The following DIAPH2 variants were observed in gnomAD, a reference collection of about 807,000 sequenced individuals.
DIAPH2 encodes protein diaphanous homolog 2.
DIAPH2 carries 35 observed loss-of-function variants against 92.7 expected under a neutral mutation model. The observed-to-expected ratio is 0.38, with a 90% CI of 0.29 to 0.50. The LOEUF is 0.50. DIAPH2 is among the 20% of genes least tolerant of loss of function. DIAPH2 has a pLI of 0.94. For missense variants in DIAPH2, 701 were observed against 819.5 expected, an observed-to-expected ratio of 0.86 and a Z score of 1.77; for synonymous variants, 301 against 280.4, an observed-to-expected ratio of 1.07 and a Z score of -0.73.
chrX:96,939,564 A>ATG (rs1238257040), intron 12 of DIAPH2, among the ~76,000 whole-genome samples, 182 bp downstream of exon 12: 2 of 74,469 alleles, frequency 2.7e-5, no homozygotes, highest in African/African-American at 9.4e-5. Context: ...GTATATATAT[A>ATG]TATGTGTGTG....
intron 23 of DIAPH2, among the ~76,000 whole-genome samples, chrX:97,264,691 A>C (rs2068320346): frequency 8.9e-6 from 1 of 112,559 alleles, no homozygotes; most frequent in South Asian, 3.7e-4. Flanking sequence ...TCTCCTTAGA[A>C]ATGACTTTAT....
At chrX:97,557,609 G>A (rs944500104) in intron 26 of DIAPH2, among the ~76,000 whole-genome samples, 1 of 112,382 alleles carries the variant, frequency 8.9e-6, no homozygotes, top group Admixed American at 9.4e-5. Flanking sequence ...AACAATAAAT[G>A]TATTTAAGTA....
chrX:97,205,785 C>T (rs1244092214), intron 22 of DIAPH2, among the ~76,000 whole-genome samples: 1 of 111,130 alleles, frequency 9.0e-6, no homozygotes, highest in Non-Finnish European at 1.9e-5. Flanking sequence ...ACCATTTGAC[C>T]CAGCAATCTC....
chrX:97,354,088 T>TA (rs1323997533), intron 24 of DIAPH2, among the ~76,000 whole-genome samples: 1 of 111,022 alleles, frequency 9.0e-6, no homozygotes, highest in Non-Finnish European at 1.9e-5. Context: ...GTGCTGGAAT[T>TA]ACATGCATGA....
intron 26 of DIAPH2, among the ~76,000 whole-genome samples, chrX:97,504,886 C>T (rs2147832001): frequency 8.9e-6 from 1 of 112,170 alleles, no homozygotes; most frequent in Non-Finnish European, 1.9e-5. Flanking sequence ...TTTCTCACAA[C>T]CTAAACTGGA....
intron 17 of DIAPH2, among the ~76,000 whole-genome samples, chrX:97,033,401 A>G (rs1437419387): frequency 8.9e-6 from 1 of 111,899 alleles, no homozygotes; most frequent in Non-Finnish European, 1.9e-5. Flanking sequence ...TTAGAATGCT[A>G]GTAAATGTCC....
chrX:97,510,928 T>C (rs1475737596), intron 26 of DIAPH2, among the ~76,000 whole-genome samples: 24 of 102,214 alleles, frequency 2.3e-4, no homozygotes, highest in Admixed American at 4.2e-4. Context: ...TAGTATAGTT[T>C]GAAGTCAGGT....
intron 26 of DIAPH2, among the ~76,000 whole-genome samples, chrX:97,567,973 G>A (rs374107710): frequency 1.7e-4 from 18 of 107,971 alleles, no homozygotes; most frequent in African/African-American, 5.7e-4. Flanking sequence ...AAAATTAGCC[G>A]GGCATGGTGG....
chrX:97,028,926 C>T (rs1200531422), intron 17 of DIAPH2, among the ~76,000 whole-genome samples: 1 of 111,360 alleles, frequency 9.0e-6, no homozygotes, highest in Non-Finnish European at 1.9e-5. Context: ...TTCACATTCC[C>T]ACTAGCAATG....
intron 24 of DIAPH2, among the ~76,000 whole-genome samples, chrX:97,368,894 C>T (rs966737551): frequency 2.0e-5 from 1 of 49,387 alleles, no homozygotes; most frequent in African/African-American, 6.0e-5. Flanking sequence ...CAGAGTCTAC[C>T]CTTTCTTTTT....
intron 1 of DIAPH2, among the ~76,000 whole-genome samples, chrX:96,727,867 G>A (rs1344181370): frequency 9.2e-6 from 1 of 109,208 alleles, no homozygotes; most frequent in African/African-American, 3.3e-5. Context: ...CCAAGATGAT[G>A]AAACCTGATC....
intron 17 of DIAPH2, among the ~76,000 whole-genome samples, chrX:97,028,650 G>A (rs1396919483): frequency 9.0e-6 from 1 of 111,681 alleles, no homozygotes; most frequent in African/African-American, 3.3e-5. Context: ...CCTTTTTATG[G>A]CTGAGTAGTA....
intron 4 of DIAPH2, among the ~76,000 whole-genome samples, chrX:96,803,107 A>C (rs773922291): frequency 9.0e-6 from 1 of 110,695 alleles, no homozygotes; most frequent in East Asian, 2.9e-4. Context: ...CAGTCCACTG[A>C]CTCAAATGTT....
At chrX:97,131,249 A>G (rs1227330976) in intron 21 of DIAPH2, among the ~76,000 whole-genome samples, 1 of 112,014 alleles carries the variant, frequency 8.9e-6, no homozygotes, top group Non-Finnish European at 1.9e-5. Flanking sequence ...TATAATATTT[A>G]TATGGTCAAC....
chrX:97,352,651 C>T (rs757103374), intron 24 of DIAPH2, among the ~76,000 whole-genome samples: 2 of 108,500 alleles, frequency 1.8e-5, no homozygotes, highest in East Asian at 5.7e-4. Flanking sequence ...GGGCAGATCA[C>T]GAGGTCAGGA....
intron 23 of DIAPH2, among the ~76,000 whole-genome samples, chrX:97,336,163 C>T (rs2069056672): frequency 9.0e-6 from 1 of 111,041 alleles, no homozygotes; most frequent in Admixed American, 9.7e-5. Context: ...CTACCCCTGT[C>T]CCCCACAAGT....
chrX:97,240,420 C>A (rs2068083925), intron 22 of DIAPH2, among the ~76,000 whole-genome samples: 1 of 110,780 alleles, frequency 9.0e-6, no homozygotes, highest in South Asian at 3.8e-4. Context: ...TCCTGGCTAA[C>A]ACAGTGAAAC....
chrX:97,031,885 G>A (rs1017225523), intron 17 of DIAPH2, among the ~76,000 whole-genome samples: 4 of 111,640 alleles, frequency 3.6e-5, no homozygotes, highest in African/African-American at 6.5e-5. Context: ...AATTGAAAAA[G>A]GATTGCAATA....
chrX:97,380,915 G>T (rs2069545316), intron 24 of DIAPH2, among the ~76,000 whole-genome samples: 1 of 111,417 alleles, frequency 9.0e-6, no homozygotes, highest in African/African-American at 3.3e-5. Context: ...GCCTCTTAAA[G>T]ATTACACATT....
Sources: gnomAD v4.1 joint callset for allele counts (sites outside exome capture counted in the v4.1 genomes callset) on GRCh38, gnomAD v4.1.1 for gene constraint, MANE v1.5 for transcripts, NCBI Gene and HGNC (gene_info 2026-07-23, HGNC 2026-07-21) for gene names.